The following RAPGEF2 variants were observed in gnomAD, a reference collection of about 807,000 sequenced individuals.
The protein encoded by RAPGEF2 is PDZ domain containing guanine nucleotide exchange factor (GEF) 1.
In RAPGEF2, 54 loss-of-function variants were observed where a neutral mutation model predicts 186.7. That is an observed-to-expected ratio of 0.29 (90% CI 0.23 to 0.36). RAPGEF2 has a LOEUF of 0.36. RAPGEF2 is among the 10% of genes least tolerant of loss of function. RAPGEF2 has a pLI of 1.00. For synonymous variants in RAPGEF2, 712 were observed against 705.9 expected (o/e 1.01, Z -0.14); for missense variants, 1,532 against 2,045.0 (o/e 0.75, Z 4.84).
At chr4:159,330,950 G>A (rs1165754930) in intron 13 of RAPGEF2, among the ~76,000 whole-genome samples, 2 of 152,122 alleles carry the variant, frequency 1.3e-5, no homozygotes, top group East Asian at 3.8e-4. Context: ...ACCATCTAGA[G>A]CTCTTGAGAG....
chr4:159,218,339 A>G (rs1751179900), intron 4 of RAPGEF2, among the ~76,000 whole-genome samples: 1 of 152,266 alleles, frequency 6.6e-6, no homozygotes, highest in Non-Finnish European at 1.5e-5. Flanking sequence ...ATTGAGTTTT[A>G]CAAGTAATAT....
intron 8 of RAPGEF2, among the ~76,000 whole-genome samples, chr4:159,306,308 C>T (rs1331301578): frequency 2.6e-5 from 4 of 152,022 alleles, no homozygotes; most frequent in African/African-American, 7.2e-5. Flanking sequence ...TTTCTTTCAT[C>T]AGTGTTTATT....
At chr4:159,156,814 G>T (rs780686151) in intron 1 of RAPGEF2, among the ~76,000 whole-genome samples, 4 of 152,096 alleles carry the variant, frequency 2.6e-5, no homozygotes, top group African/African-American at 4.8e-5. Context: ...ACTAACGATG[G>T]ATGGGAAATA....
At chr4:159,175,567 T>G (rs1746372776) in intron 1 of RAPGEF2, among the ~76,000 whole-genome samples, 2 of 152,290 alleles carry the variant, frequency 1.3e-5, no homozygotes, top group Middle Eastern at 3.4e-3. Flanking sequence ...TCCTGCCCCT[T>G]TTCGTCAGGG....
At chr4:159,288,971 A>G (rs1019209927) in intron 7 of RAPGEF2, among the ~76,000 whole-genome samples, 3 of 152,110 alleles carry the variant, frequency 2.0e-5, no homozygotes, top group Admixed American at 6.5e-5. Context: ...CTTAAATAGT[A>G]TCCTCTCCAT....
intron 4 of RAPGEF2, among the ~76,000 whole-genome samples, chr4:159,218,641 C>T (rs1457635126): frequency 6.6e-6 from 1 of 151,988 alleles, no homozygotes; most frequent in Non-Finnish European, 1.5e-5. Flanking sequence ...GCCTGTAGTC[C>T]CAGCTACTCG....
chr4:159,349,469 C>T (rs1730861710), intron 25 of RAPGEF2, among the ~76,000 whole-genome samples: 1 of 147,060 alleles, frequency 6.8e-6, no homozygotes, highest in African/African-American at 2.4e-5. Flanking sequence ...CCTCCACTCT[C>T]ATCCTGTTGG....
rs778722053 is a variant in RAPGEF2, at chr4:159,341,577, A to G, written c.2548A>G (p.Asn850Asp). The G allele has an allele frequency of 1.3e-6, 2 of 1,593,588 alleles. No individual in the cohort carries two copies. Residue 850 changes from asparagine to aspartate, a missense_variant, in exon 20 of 30, where the codon AAC becomes GAC. Around this residue, in one of 4 missense-constraint regions of RAPGEF2, gnomAD observed 810 missense variants for 1,210.5 expected, o/e 0.67. Transcript: ENST00000691494. ...TGTTTTTCATAGGTATTATCTGAAA[A>G]ACAACATGGAAACAGAAACTCTTTG... ...IQLSGRYYLK[N>D]NMETETLCSD...
intron 22 of RAPGEF2, 46 bp downstream of exon 22, chr4:159,343,450 A>T (rs1206107037): frequency 6.3e-7 from 1 of 1,591,424 alleles, no homozygotes; most frequent in Non-Finnish European, 8.6e-7. Flanking sequence ...AGAGAAGGTT[A>T]AATTTAGAGC....
At chr4:159,254,400 CAG>C (rs1755875633) in intron 7 of RAPGEF2, among the ~76,000 whole-genome samples, 1 of 152,154 alleles carries the variant, frequency 6.6e-6, no homozygotes, top group African/African-American at 2.4e-5. Context: ...TGGGGACCCT[CAG>C]GGGTCCTGAG....
intron 7 of RAPGEF2, among the ~76,000 whole-genome samples, chr4:159,302,113 G>C (rs997267970): frequency 6.6e-6 from 1 of 152,080 alleles, no homozygotes; most frequent in African/African-American, 2.4e-5. Flanking sequence ...ATGTAATTCT[G>C]ATATTTGGCT....
intron 7 of RAPGEF2, among the ~76,000 whole-genome samples, chr4:159,272,117 G>A (rs1368783510): frequency 2.6e-5 from 4 of 151,942 alleles, no homozygotes; most frequent in Admixed American, 6.6e-5. Flanking sequence ...ATTTTGTCTC[G>A]CCTGTTTCTG....
chr4:159,264,175 T>C (rs1029216151), intron 7 of RAPGEF2, among the ~76,000 whole-genome samples: 6 of 152,254 alleles, frequency 3.9e-5, no homozygotes, highest in African/African-American at 1.4e-4. Flanking sequence ...GCCATAATTG[T>C]GTTTCAACAT....
At position 159,159,998 on chromosome 4, in the gene RAPGEF2, C is replaced by CT. The variant is rs573812802; in HGVS notation, c.70-26643dup. 1.8e-4 allele frequency among the ~76,000 whole-genome samples: 27 copies of CT among 152,280 alleles called. No homozygotes were observed. The East Asian group carries it at 3.7e-3, about 21-fold the overall frequency. ...ATGGAAAAAAACCCACATTTAAACTCTAATAGCTAAGTATGAAATGTGATG... is the reference window on the plus strand; with the variant it reads ...ATGGAAAAAAACCCACATTTAAACTCTTAATAGCTAAGTATGAAATGTGATG... On this transcript the variant is annotated intron_variant, in intron 1 of 29. Coordinates refer to ENST00000691494, the MANE Select transcript of RAPGEF2 (RefSeq NM_001394067.2).
chr4:159,192,753 T>C (rs1469615541), intron 2 of RAPGEF2, among the ~76,000 whole-genome samples: 1 of 152,220 alleles, frequency 6.6e-6, no homozygotes, highest in Non-Finnish European at 1.5e-5. Context: ...CCTTAGAGCC[T>C]ACTTTTATCT....
chr4:159,279,810 C>G (rs556363827), intron 7 of RAPGEF2, among the ~76,000 whole-genome samples: 2 of 152,176 alleles, frequency 1.3e-5, no homozygotes, highest in Admixed American at 6.5e-5. Flanking sequence ...TCCCGAGTAG[C>G]TGGGACTACA....
At chr4:159,205,621 C>T (rs1749890967) in intron 3 of RAPGEF2, among the ~76,000 whole-genome samples, 1 of 152,158 alleles carries the variant, frequency 6.6e-6, no homozygotes, top group Non-Finnish European at 1.5e-5. Context: ...ATGCTGTTCT[C>T]ATGATAGTGG....
chr4:159,268,913 C>T lies in RAPGEF2; in HGVS notation c.543+25122C>T, dbSNP rs187144415. 3.9e-5 allele frequency among the ~76,000 whole-genome samples: 6 copies of T among 152,236 alleles called. No individual in the cohort carries two copies. The East Asian group carries it at 1.2e-3, about 29-fold the overall frequency. ...TTTATATCACCATGTTGGGAGTTTT[C>T]TGGCATCACACAAATTCACATGATT... On this transcript the variant is annotated intron_variant, in intron 7 of 29. Transcript: ENST00000691494.
At chr4:159,289,922 G>A (rs1760973895) in intron 7 of RAPGEF2, among the ~76,000 whole-genome samples, 1 of 152,160 alleles carries the variant, frequency 6.6e-6, no homozygotes, top group Non-Finnish European at 1.5e-5. Flanking sequence ...TACAGAGGCT[G>A]AGGGGAAGAG....
Sources: allele counts gnomAD v4.1 joint callset (sites outside exome capture counted in the v4.1 genomes callset), GRCh38; gene constraint gnomAD v4.1.1; regional missense constraint gnomAD v4.1.1; transcripts MANE v1.5; gene names NCBI Gene and HGNC (gene_info 2026-07-23, HGNC 2026-07-21).